The following DGKB variants were observed in gnomAD, a reference collection of about 807,000 sequenced individuals.
DGKB encodes the protein 90 kDa diacylglycerol kinase.
Under a neutral mutation model 114.3 loss-of-function variants are expected in DGKB, and 67 were observed. The ratio of observed to expected loss-of-function variants is 0.59; its 90% confidence interval spans 0.48 to 0.72. The LOEUF (loss-of-function observed/expected upper bound fraction) is 0.72, where lower values mean the gene tolerates loss of function less well. Ranked by LOEUF, DGKB falls within the 30% of genes least tolerant of loss-of-function variation. The probability of loss-of-function intolerance (pLI) is 0.00; values close to 1 mark genes in which losing one functional copy is unlikely to be tolerated. For synonymous variants in DGKB, 398 were observed against 323.1 expected, an observed-to-expected ratio of 1.23 and a Z score of -2.49; for missense variants, 907 against 975.2, an observed-to-expected ratio of 0.93 and a Z score of 0.93.
In DGKB at chr7:14,176,845, T is replaced by C. The variant is rs1392183079; in HGVS notation, c.2298A>G (p.Pro766=). ...QIDGEPWMQT[P]CTIKITHKNQ... ...TCAACTACTCTGTACTCACTGTGCA[T>C]GGGGTCTGCATCCATGGCTCCCCAT... The change falls in exon 25 of 26, where the codon CCA becomes CCG. Residue 766 remains proline (P), a synonymous_variant. Transcript: ENST00000402815. 3.1e-6 allele frequency: 5 copies of C among 1,613,822 alleles called. No individual in the cohort carries two copies. In the African/African-American group the frequency reaches 4.0e-5, roughly 13 times the overall value.
chr7:14,233,990 A>T (rs985017271), intron 23 of DGKB, among the ~76,000 whole-genome samples: 1 of 152,058 alleles, frequency 6.6e-6, no homozygotes, highest in African/African-American at 2.4e-5. Context: ...TTTTAGATTC[A>T]ACAAAATAGT....
At chr7:14,750,376 C>T (rs1010133947) in intron 4 of DGKB, among the ~76,000 whole-genome samples, 19 of 152,108 alleles carry the variant, frequency 1.2e-4, no homozygotes, top group African/African-American at 3.9e-4. Context: ...AGTAATGGTA[C>T]GATTATTCAG....
At chr7:14,259,586 C>T (rs546348077) in intron 23 of DGKB, among the ~76,000 whole-genome samples, 1 of 152,094 alleles carries the variant, frequency 6.6e-6, no homozygotes, top group African/African-American at 2.4e-5. Flanking sequence ...GCCACCACAT[C>T]CGGCTAATTT....
At chr7:14,789,436 A>G (rs1840354071) in intron 2 of DGKB, among the ~76,000 whole-genome samples, 1 of 152,146 alleles carries the variant, frequency 6.6e-6, no homozygotes. Context: ...TCCATTTTTT[A>G]TCACTGAATA....
chr7:14,616,241 C>T (rs748140732), intron 15 of DGKB, among the ~76,000 whole-genome samples: 1 of 147,552 alleles, frequency 6.8e-6, no homozygotes, highest in Non-Finnish European at 1.5e-5. Context: ...TATATATATA[C>T]ACACAATACA....
intron 12 of DGKB, among the ~76,000 whole-genome samples, chr7:14,681,802 C>A (rs1464391281): frequency 6.6e-6 from 1 of 152,050 alleles, no homozygotes; most frequent in Non-Finnish European, 1.5e-5. Context: ...ATTTGACAGT[C>A]ATTCAAACCA....
chr7:14,816,164 C>G (rs999380095), intron 2 of DGKB, among the ~76,000 whole-genome samples: 1 of 151,976 alleles, frequency 6.6e-6, no homozygotes, highest in Admixed American at 6.6e-5. Context: ...AATCCCGTCT[C>G]TACTAATAAA....
intron 23 of DGKB, among the ~76,000 whole-genome samples, chr7:14,246,891 G>A (rs1794560783): frequency 6.6e-6 from 1 of 152,050 alleles, no homozygotes; most frequent in Non-Finnish European, 1.5e-5. Context: ...TATTATTAAT[G>A]ACACTGCAAT....
chr7:14,472,698 A>G (rs1014609031), intron 21 of DGKB, among the ~76,000 whole-genome samples: 1 of 152,164 alleles, frequency 6.6e-6, no homozygotes. Context: ...AATGGCTTTG[A>G]CCAAAATGCT....
intron 1 of DGKB, among the ~76,000 whole-genome samples, chr7:14,872,549 A>T (rs10270993): frequency 6.6e-6 from 1 of 152,100 alleles, no homozygotes; most frequent in East Asian, 1.9e-4. Context: ...ATACTGGATA[A>T]ATTTTGGTTA....
intron 23 of DGKB, among the ~76,000 whole-genome samples, chr7:14,259,390 T>G (rs1796409283): frequency 1.1e-5 from 1 of 94,406 alleles, no homozygotes. Flanking sequence ...TCTCTCTCTC[T>G]CTCTCTCTCT....
chr7:14,737,533 G>C (rs1287047549), intron 4 of DGKB, among the ~76,000 whole-genome samples: 2 of 152,006 alleles, frequency 1.3e-5, no homozygotes, highest in Non-Finnish European at 2.9e-5. Flanking sequence ...AATATCATTA[G>C]ACATAGTAAA....
chr7:14,635,083 A>T (rs1020355925), intron 13 of DGKB, among the ~76,000 whole-genome samples: 1 of 151,554 alleles, frequency 6.6e-6, no homozygotes, highest in Non-Finnish European at 1.5e-5. Flanking sequence ...TAAAAGCTAC[A>T]CATATTGTAA....
intron 20 of DGKB, among the ~76,000 whole-genome samples, chr7:14,567,474 TTA>T (rs1247360144): frequency 6.7e-5 from 5 of 74,924 alleles, no homozygotes; most frequent in Admixed American, 2.3e-4. Context: ...TATTTATATA[TTA>T]TATATATTTA....
intron 20 of DGKB, among the ~76,000 whole-genome samples, chr7:14,528,107 T>A (rs1171346569): frequency 6.6e-6 from 1 of 152,156 alleles, no homozygotes; most frequent in Non-Finnish European, 1.5e-5. Flanking sequence ...ATTTCAACAG[T>A]CAATGTAAGC....
At chr7:14,970,685 G>T (rs1286508433) in intron 1 of DGKB, among the ~76,000 whole-genome samples, 1 of 152,074 alleles carries the variant, frequency 6.6e-6, no homozygotes, top group Non-Finnish European at 1.5e-5. Context: ...CCCCTAAAGT[G>T]AATGATTGCC....
chr7:14,191,729 T>C (rs1355902762), intron 23 of DGKB: 2 of 339,836 alleles, frequency 5.9e-6, no homozygotes, highest in Non-Finnish European at 1.2e-5. Flanking sequence ...AGATGTTCAC[T>C]GTGCCAACAT....
chr7:14,647,335 A>G (rs372681539), intron 13 of DGKB, among the ~76,000 whole-genome samples: 3 of 152,002 alleles, frequency 2.0e-5, no homozygotes, highest in East Asian at 1.9e-4. Context: ...CCCAAAAAGA[A>G]AACAACAACA....
intron 21 of DGKB, among the ~76,000 whole-genome samples, chr7:14,423,602 C>A (rs1178379221): frequency 6.6e-6 from 1 of 152,024 alleles, no homozygotes; most frequent in East Asian, 1.9e-4. Context: ...AGAGCCTTTA[C>A]AATAACTTTG....
Sources: allele counts gnomAD v4.1 joint callset (sites outside exome capture counted in the v4.1 genomes callset), GRCh38; gene constraint gnomAD v4.1.1; transcripts MANE v1.5; gene names NCBI Gene and HGNC (gene_info 2026-07-23, HGNC 2026-07-21).